The following ABCA13 variants were observed in gnomAD, a reference collection of about 807,000 sequenced individuals.
ABCA13 encodes the protein ATP binding cassette subfamily A member 13.
A neutral mutation model predicts 478.7 loss-of-function variants in ABCA13; 476 were observed. That is an observed-to-expected ratio of 0.99 (90% confidence interval 0.92 to 1.07). The LOEUF is 1.07. Ranked by LOEUF, ABCA13 falls within the 50% of genes least tolerant of loss-of-function variation. ABCA13 has a pLI of 0.00. For missense variants in ABCA13, 6,060 were observed against 5,910.6 expected, an observed-to-expected ratio of 1.03 and a Z score of -0.83; for synonymous variants, 2,252 against 2,158.9, an observed-to-expected ratio of 1.04 and a Z score of -1.20.
intron 41 of ABCA13, among the ~76,000 whole-genome samples, chr7:48,420,172 C>T (rs1820557166): frequency 6.6e-6 from 1 of 152,176 alleles, no homozygotes; most frequent in Non-Finnish European, 1.5e-5. Flanking sequence ...ATTAACTCTC[C>T]AGTTGAGCTC....
At chr7:48,418,942 G>A (rs113761041) in intron 41 of ABCA13, among the ~76,000 whole-genome samples, 57,983 of 152,098 alleles carry the variant, frequency 0.38, 11,718 homozygotes, top group African/African-American at 0.52. Flanking sequence ...ATTGGCTCAA[G>A]GTTCTGCAGG....
chr7:48,428,905 A>G (rs1318551364), intron 42 of ABCA13, among the ~76,000 whole-genome samples: 1 of 152,172 alleles, frequency 6.6e-6, no homozygotes, highest in Non-Finnish European at 1.5e-5. Context: ...TACCATTTTC[A>G]TTACTCTGAA....
chr7:48,232,073 C>T (rs1331422801), intron 7 of ABCA13, among the ~76,000 whole-genome samples: 1 of 149,756 alleles, frequency 6.7e-6, no homozygotes, highest in Non-Finnish European at 1.5e-5. Context: ...CCCCAAATTC[C>T]ACCTTTCCAC....
intron 20 of ABCA13, 70 bp downstream of exon 20, chr7:48,288,148 A>G (rs1798022010): frequency 1.5e-6 from 2 of 1,370,066 alleles, no homozygotes; most frequent in Non-Finnish European, 2.1e-6. Context: ...CAGTCCAGTT[A>G]TTCAAACTTG....
chr7:48,445,099 C>G (rs538213644), intron 42 of ABCA13, among the ~76,000 whole-genome samples: 51 of 151,782 alleles, frequency 3.4e-4, no homozygotes, highest in African/African-American at 1.1e-3. Flanking sequence ...ACCTCCAGCT[C>G]CTAGGTTCAA....
At chr7:48,189,239 T>C (rs1047612209) in intron 1 of ABCA13, among the ~76,000 whole-genome samples, 1 of 152,112 alleles carries the variant, frequency 6.6e-6, no homozygotes, top group Non-Finnish European at 1.5e-5. Flanking sequence ...AGGGGTAAGA[T>C]TCAAAATGTT....
chr7:48,204,029 G>A (rs1784576220), intron 3 of ABCA13, among the ~76,000 whole-genome samples: 1 of 151,304 alleles, frequency 6.6e-6, no homozygotes, highest in African/African-American at 2.4e-5. Flanking sequence ...CCACCATACT[G>A]CCTGGTTCTC....
Position 48,274,281 on chromosome 7 carries a change from C to A in ABCA13, c.4615C>A (p.Gln1539Lys). 1 of 1,613,064 alleles carries A rather than the reference C, an allele frequency of 6.2e-7. No individual in the cohort carries two copies. Among genetic ancestry groups the A allele is most frequent in the South Asian group, 1.1e-5 (1 of 90,918 alleles). ...PIEMSDEIPN[Q>K]FQNIWLHLIT... Reference sequence around the variant, plus strand: ...AGAAATGTCAGATGAAATTCCTAATCAGTTTCAAAATATTTGGCTTCATTT... The same window carrying A: ...AGAAATGTCAGATGAAATTCCTAATAAGTTTCAAAATATTTGGCTTCATTT... The change falls in exon 17 of 62, where the codon CAG becomes AAG. Residue 1539 changes from glutamine to lysine, a missense_variant. Gln to Lys is a moderately conservative substitution (Grantham distance 53). Around this residue, in one of 3 missense-constraint regions of ABCA13, gnomAD observed 4,423 missense variants for 4,309.1 expected, o/e 1.03. Coordinates refer to ENST00000435803, the MANE Select transcript of ABCA13 (RefSeq NM_152701.5).
intron 55 of ABCA13, among the ~76,000 whole-genome samples, chr7:48,569,292 A>G (rs544595401): frequency 6.6e-6 from 1 of 152,164 alleles, no homozygotes; most frequent in South Asian, 2.1e-4. Flanking sequence ...GCTGAATACC[A>G]TGTTTTGATA....
intron 26 of ABCA13, among the ~76,000 whole-genome samples, 156 bp from the exon 27 acceptor site, chr7:48,317,001 T>C (rs1299459115): frequency 6.6e-6 from 1 of 152,174 alleles, no homozygotes; most frequent in Non-Finnish European, 1.5e-5. Context: ...GGAGGACAGA[T>C]ATTCAAACTA....
chr7:48,288,693 T>C (rs1204645420), intron 20 of ABCA13, among the ~76,000 whole-genome samples: 1 of 152,206 alleles, frequency 6.6e-6, no homozygotes, highest in Non-Finnish European at 1.5e-5. Context: ...CAACACTGGC[T>C]CTAACTCATT....
At position 48,279,380 on chromosome 7, in the gene ABCA13, C is replaced by G; in HGVS notation, c.8186C>G (p.Thr2729Arg). Reference sequence around the variant, plus strand: ...GATAAAATATTATCACAAAACAGCACAGAAATAGGATCTTTCTTGAAAATG... The same window carrying G: ...GATAAAATATTATCACAAAACAGCAGAGAAATAGGATCTTTCTTGAAAATG... The part of the protein sequence containing the change: ...FLDKILSQNS[T>R]EIGSFLKMVI... Residue 2729 changes from threonine to arginine, a missense_variant, in exon 18 of 62, where the codon ACA (threonine) becomes AGA (arginine). Physicochemically the swap from Thr to Arg is moderately conservative, Grantham distance 71. Coordinates refer to ENST00000435803, the MANE Select transcript of ABCA13 (RefSeq NM_152701.5). 1 of 1,595,602 alleles carries G rather than the reference C, an allele frequency of 6.3e-7. No homozygotes were observed.
rs1272126045 is a variant in ABCA13, at chr7:48,274,370, TA to T, written c.4706del (p.Asn1569IlefsTer10). The T allele has an allele frequency of 6.2e-7, 1 of 1,613,124 alleles. No homozygotes were observed. The highest frequency in any genetic ancestry group is 8.5e-7 in the Non-Finnish European group (1 of 1,179,650). On this transcript the variant is annotated frameshift_variant, in exon 17 of 62. Coordinates refer to ENST00000435803, the MANE Select transcript of ABCA13 (RefSeq NM_152701.5). LOFTEE classifies it high-confidence loss of function. Reference sequence around the variant, plus strand: ...GTATTTACTTTAACATCCTGGAAAATAATTCCTCTTCTAAAACTGAAAACTT... The same window carrying T: ...GTATTTACTTTAACATCCTGGAAAATATTCCTCTTCTAAAACTGAAAACTT... ...KGIYFNILENNSSSKTENLLN... is the reference protein window; with the variant it reads ...KGIYFNILENXSSSKTENLLN...
chr7:48,613,552 C>T (rs1180513066), intron 58 of ABCA13, among the ~76,000 whole-genome samples: 1 of 142,520 alleles, frequency 7.0e-6, no homozygotes, highest in Non-Finnish European at 1.6e-5. Flanking sequence ...TTAATAGCTT[C>T]TTCCATTGCT....
At chr7:48,440,739 C>G (rs1563261043) in intron 42 of ABCA13, among the ~76,000 whole-genome samples, 2 of 151,634 alleles carry the variant, frequency 1.3e-5, no homozygotes, top group Non-Finnish European at 2.9e-5. Context: ...TATATATCCT[C>G]TTTATTATGC....
rs1832404713 is a variant in ABCA13, at chr7:48,519,779, T to TG, written c.13798-261dup. On this transcript the variant is annotated intron_variant, in intron 52 of 61. Coordinates refer to ENST00000435803, the MANE Select transcript of ABCA13 (RefSeq NM_152701.5). Reference sequence around the variant, plus strand: ...TTGTTCATACTTGTGTAGAGATCATTGTGATTTCCTTAAAAGTAGATGTAA... The same window carrying TG: ...TTGTTCATACTTGTGTAGAGATCATTGGTGATTTCCTTAAAAGTAGATGTAA... 2.0e-5 allele frequency among the ~76,000 whole-genome samples: 3 copies of TG among 152,202 alleles called. No individual in the cohort carries two copies. In the South Asian group the frequency reaches 6.2e-4, roughly 32 times the overall value.
chr7:48,451,291 G>C (rs577375745), intron 42 of ABCA13, among the ~76,000 whole-genome samples: 1 of 151,938 alleles, frequency 6.6e-6, no homozygotes, highest in African/African-American at 2.4e-5. Flanking sequence ...GAGCCATCGC[G>C]CCCAGCAAGA....
intron 2 of ABCA13, among the ~76,000 whole-genome samples, chr7:48,194,863 A>AT (rs372777384): frequency 1 from 152,332 of 152,332 alleles, 76,166 homozygotes; most frequent in Non-Finnish European, 1. Flanking sequence ...CTTTATTATT[A>AT]TTATCAATAA....
intron 45 of ABCA13, among the ~76,000 whole-genome samples, chr7:48,472,114 G>A (rs984192113): frequency 2.6e-5 from 4 of 152,096 alleles, no homozygotes; most frequent in African/African-American, 7.2e-5. Context: ...AATTTATTTG[G>A]AAAACTGATT....
Sources: gnomAD v4.1 joint callset for allele counts (sites outside exome capture counted in the v4.1 genomes callset) on GRCh38, gnomAD v4.1.1 for gene constraint, gnomAD v4.1.1 regional missense constraint, MANE v1.5 for transcripts, NCBI Gene and HGNC (gene_info 2026-07-23, HGNC 2026-07-21) for gene names.